The following ADGRE3 variants were observed in gnomAD, a reference collection of about 807,000 sequenced individuals.
The protein encoded by ADGRE3 is EGF-like module receptor 3.
A neutral mutation model predicts 80.1 loss-of-function variants in ADGRE3; 88 were observed. That is an observed-to-expected ratio of 1.10 (90% CI 0.93 to 1.31). ADGRE3 has a LOEUF of 1.31. Among genes scored for constraint, ADGRE3 ranks in the 40% most tolerant of loss-of-function variants. ADGRE3 has a pLI of 0.00. For missense variants in ADGRE3, 715 were observed against 776.5 expected, an observed-to-expected ratio of 0.92 and a Z score of 0.94; for synonymous variants, 281 against 294.8, an observed-to-expected ratio of 0.95 and a Z score of 0.48.
chr19:14,605,079 TC>T, the ADGRE3 span, among the ~76,000 whole-genome samples: 4 of 151,628 alleles, frequency 2.6e-5, no homozygotes, highest in Admixed American at 2.6e-4. Flanking sequence ...ACGCCTGTAA[TC>T]CCAGCACTTT....
At chr19:14,638,599 A>G (rs988450142) in intron 10 of ADGRE3, among the ~76,000 whole-genome samples, 12 of 152,248 alleles carry the variant, frequency 7.9e-5, no homozygotes, top group Non-Finnish European at 1.8e-4. Context: ...TATTTAAAAA[A>G]ATAGATAGTT....
chr19:14,674,782 G>T lies in ADGRE3; in HGVS notation c.-12C>A. 1 of 1,613,730 alleles carries T rather than the reference G, an allele frequency of 6.2e-7. No homozygotes were observed. The highest frequency in any genetic ancestry group is 8.5e-7 in the Non-Finnish European group (1 of 1,179,838). On this transcript the variant is annotated 5_prime_UTR_variant, in exon 1 of 16. Coordinates refer to ENST00000253673, the MANE Select transcript of ADGRE3 (RefSeq NM_032571.5). The stretch of plus-strand genomic sequence containing the variant: ...AATGGTCCCTGCATTTCTGTGGTAC[G>T]GGTATCCCACGCCAGCCAGCCCTGG...
At chr19:14,638,008 T>C in intron 11 of ADGRE3, 97 bp downstream of exon 11, 1 of 832,820 alleles carries the variant, frequency 1.2e-6, no homozygotes, top group Admixed American at 1.9e-5. Flanking sequence ...GAACGTAGAG[T>C]GCATTGGTTA....
chr19:14,636,145 T>TCTTTCTTTCTTC (rs1971070357), intron 11 of ADGRE3, among the ~76,000 whole-genome samples: 1 of 22,238 alleles, frequency 4.5e-5, no homozygotes, highest in African/African-American at 1.2e-4. Flanking sequence ...TTTCTTTCTT[T>TCTTTCTTTCTTC]CTTTCTTCCT....
chr19:14,617,338 C>CTT (rs1346705706), downstream of ADGRE3, among the ~76,000 whole-genome samples: 461 of 96,336 alleles, frequency 4.8e-3, 3 homozygotes, highest in African/African-American at 0.014. Context: ...CCCTCCCTCC[C>CTT]TCCCTTTCTT....
At chr19:14,639,883 ATATTGT>A (rs1211754943) in intron 10 of ADGRE3, among the ~76,000 whole-genome samples, 1 of 152,136 alleles carries the variant, frequency 6.6e-6, no homozygotes, top group East Asian at 1.9e-4. Context: ...AATATAGAAT[ATATTGT>A]TATTGACTAT....
At chr19:14,636,149 T>TTCCTTC (rs1555755847) in intron 11 of ADGRE3, among the ~76,000 whole-genome samples, 3,107 of 40,570 alleles carry the variant, frequency 0.077, 709 homozygotes, top group Middle Eastern at 0.21. Flanking sequence ...TTTCTTTCTT[T>TTCCTTC]CTTCCTTTCC....
intron 7 of ADGRE3, among the ~76,000 whole-genome samples, chr19:14,650,282 G>T (rs1165711407): frequency 9.2e-6 from 1 of 108,990 alleles, no homozygotes; most frequent in Non-Finnish European, 1.9e-5. Flanking sequence ...CCCCATCTCT[G>T]TCTTTCCACC....
intron 8 of ADGRE3, among the ~76,000 whole-genome samples, chr19:14,645,316 A>C (rs1265371626): frequency 6.6e-6 from 1 of 152,196 alleles, no homozygotes; most frequent in Non-Finnish European, 1.5e-5. Flanking sequence ...TTGCTTATGC[A>C]ATGAGAGGCA....
chr19:14,613,687 T>C, the ADGRE3 span, among the ~76,000 whole-genome samples: 1 of 151,094 alleles, frequency 6.6e-6, no homozygotes, highest in Non-Finnish European at 1.5e-5. Flanking sequence ...TATTTCGTTA[T>C]TAAAAAAATT....
chr19:14,663,574 G>A (rs1298151251), intron 2 of ADGRE3, 34 bp from the exon 3 acceptor site: 2 of 1,598,916 alleles, frequency 1.3e-6, no homozygotes, highest in South Asian at 1.1e-5. Context: ...TAAATGGACT[G>A]GGGTCACAAA....
chr19:14,620,574 T>A (rs796936242), intron 15 of ADGRE3, among the ~76,000 whole-genome samples: 719 of 13,332 alleles, frequency 0.054, 112 homozygotes, highest in Non-Finnish European at 0.076. Context: ...ATATATTTTT[T>A]TTTTTTTTTT....
chr19:14,627,368 T>C (rs568700872), intron 14 of ADGRE3, among the ~76,000 whole-genome samples: 17 of 152,130 alleles, frequency 1.1e-4, no homozygotes, highest in East Asian at 5.8e-4. Context: ...AATGAAACCC[T>C]CTGGGGTAGT....
chr19:14,670,603 A>T (rs983798055), intron 1 of ADGRE3, among the ~76,000 whole-genome samples: 7 of 152,146 alleles, frequency 4.6e-5, no homozygotes, highest in Admixed American at 3.9e-4. Flanking sequence ...CCTTTCCAAC[A>T]TCCGATGATG....
downstream of ADGRE3, among the ~76,000 whole-genome samples, chr19:14,614,558 G>A (rs1336021493): frequency 3.3e-5 from 5 of 150,918 alleles, no homozygotes; most frequent in African/African-American, 1.2e-4. Context: ...TGTGAGGTTG[G>A]AATATTTACC....
chr19:14,670,622 C>T (rs149192483), intron 1 of ADGRE3, among the ~76,000 whole-genome samples: 73 of 152,328 alleles, frequency 4.8e-4, no homozygotes, highest in African/African-American at 1.7e-3. Context: ...TGTCATCAGT[C>T]ATGTTCCTGC....
intron 2 of ADGRE3, among the ~76,000 whole-genome samples, chr19:14,665,517 G>T (rs552814138): frequency 2.6e-5 from 4 of 152,014 alleles, no homozygotes; most frequent in South Asian, 4.1e-4. Flanking sequence ...AAGAGATAAG[G>T]TCTCGCTCTA....
chr19:14,616,500 G>A (rs569911959), downstream of ADGRE3, among the ~76,000 whole-genome samples: 4 of 151,916 alleles, frequency 2.6e-5, no homozygotes, highest in East Asian at 3.9e-4. Context: ...GGAAAGTCCC[G>A]GGTAAACCAG....
intron 11 of ADGRE3, among the ~76,000 whole-genome samples, chr19:14,636,145 T>TTCCTTCCTTCCTTCCTTC (rs1158142057): frequency 0.013 from 300 of 22,254 alleles, 61 homozygotes; most frequent in South Asian, 0.028. Context: ...TTTCTTTCTT[T>TTCCTTCCTTCCTTCCTTC]CTTTCTTCCT....
Sources: allele counts gnomAD v4.1 joint callset (sites outside exome capture counted in the v4.1 genomes callset), GRCh38; gene constraint gnomAD v4.1.1; transcripts MANE v1.5; gene names NCBI Gene and HGNC (gene_info 2026-07-23, HGNC 2026-07-21).